CCDC33: variants seen among roughly 807,000 people sequenced by gnomAD.
CCDC33 encodes coiled-coil domain containing 33.
In CCDC33, 94 loss-of-function variants were observed where a neutral mutation model predicts 91.9. The observed-to-expected ratio is 1.02, with a 90% CI of 0.87 to 1.21. The LOEUF is 1.21. Ranked by LOEUF, CCDC33 falls within the 50% of genes most tolerant of loss-of-function variation. CCDC33 has a pLI of 0.00. For missense variants in CCDC33, 940 were observed against 935.5 expected (o/e 1.00, Z -0.06); for synonymous variants, 396 against 374.5 (o/e 1.06, Z -0.66).
upstream of CCDC33, chr15:74,213,334 A>T (rs974116494): frequency 6.6e-6 from 1 of 152,274 alleles, no homozygotes; most frequent in Non-Finnish European, 1.5e-5. Flanking sequence ...GCATGCTCAG[A>T]GGGGCCAGGA....
chr15:74,252,108 A>C (rs1293408089), intron 2 of CCDC33, among the ~76,000 whole-genome samples: 1 of 152,174 alleles, frequency 6.6e-6, no homozygotes, highest in Non-Finnish European at 1.5e-5. Flanking sequence ...CAGGATTTCA[A>C]AATCTAAAAG....
intron 1 of CCDC33, among the ~76,000 whole-genome samples, chr15:74,204,278 C>A (rs1469353489): frequency 6.6e-6 from 1 of 152,240 alleles, no homozygotes; most frequent in African/African-American, 2.4e-5. Context: ...TCCCTCCCAC[C>A]CCTCCTCCTG....
At chr15:74,222,386 G>A (rs2074624897) in intron 2 of CCDC33, among the ~76,000 whole-genome samples, 1 of 124,186 alleles carries the variant, frequency 8.1e-6, no homozygotes, top group Non-Finnish European at 1.7e-5. Context: ...TCTGAGCTCT[G>A]GAAGGAGAAG....
At chr15:74,282,613 T>C (rs2059390676) in intron 10 of CCDC33, among the ~76,000 whole-genome samples, 1 of 152,202 alleles carries the variant, frequency 6.6e-6, no homozygotes, top group South Asian at 2.1e-4. Flanking sequence ...CGGTGCCATG[T>C]AACAAACATA....
chr15:74,291,543 GC>G lies in CCDC33; in HGVS notation c.1096-4206del, dbSNP rs2142566654. Among the ~76,000 whole-genome samples, 3 of 152,358 alleles carry G rather than the reference GC, an allele frequency of 2.0e-5. No individual in the cohort carries two copies. The East Asian group carries it at 5.8e-4, about 29-fold the overall frequency. On this transcript the variant is annotated intron_variant, in intron 10 of 18. Transcript: ENST00000398814. The stretch of plus-strand genomic sequence containing the variant: ...CAGAATTTGTCAGTTTCCGCTTCAG[GC>G]CCCCTGGGGAGGGTTCAGGGCCAGC...
At chr15:74,282,855 G>A (rs574684632) in intron 10 of CCDC33, among the ~76,000 whole-genome samples, 10 of 152,292 alleles carry the variant, frequency 6.6e-5, no homozygotes, top group African/African-American at 1.7e-4. Context: ...CCAGGCACCC[G>A]CTGGACTTTC....
chr15:74,282,194 A>AT (rs1329044060), intron 10 of CCDC33, among the ~76,000 whole-genome samples: 2 of 152,218 alleles, frequency 1.3e-5, no homozygotes, highest in Non-Finnish European at 2.9e-5. Flanking sequence ...ATGCCCATTT[A>AT]TTAGCTGACA....
At chr15:74,281,923 C>A in intron 10 of CCDC33, 74 bp downstream of exon 10, 1 of 1,370,498 alleles carries the variant, frequency 7.3e-7, no homozygotes, top group Non-Finnish European at 1.0e-6. Flanking sequence ...TTCACAATTG[C>A]TGGCTTTGTT....
intron 2 of CCDC33, chr15:74,221,545 T>C (rs2074597870): frequency 6.5e-6 from 1 of 154,136 alleles, no homozygotes; most frequent in South Asian, 2.1e-4. Context: ...AATAAAATTA[T>C]GGACAGTGAA....
At chr15:74,257,140 A>C (rs1328394661) in intron 2 of CCDC33, among the ~76,000 whole-genome samples, 3 of 152,228 alleles carry the variant, frequency 2.0e-5, no homozygotes, top group African/African-American at 7.2e-5. Flanking sequence ...GCCCACCTGC[A>C]GTGTTGTAGC....
intron 11 of CCDC33, among the ~76,000 whole-genome samples, chr15:74,320,404 A>G (rs370243586): frequency 2.5e-4 from 38 of 150,916 alleles, no homozygotes; most frequent in African/African-American, 8.5e-4. Flanking sequence ...CCCCTCCCCA[A>G]CCCTACCCCT....
intron 2 of CCDC33, among the ~76,000 whole-genome samples, chr15:74,250,795 G>A (rs542314511): frequency 6.6e-6 from 1 of 152,316 alleles, no homozygotes; most frequent in African/African-American, 2.4e-5. Context: ...CTAGCTTGCT[G>A]TATGACTGTG....
At chr15:74,211,746 T>C (rs933159240) in intron 2 of CCDC33, among the ~76,000 whole-genome samples, 2 of 152,088 alleles carry the variant, frequency 1.3e-5, no homozygotes, top group African/African-American at 2.4e-5. Context: ...TCTGCCTTTC[T>C]GCCCCTGTCC....
In CCDC33 at chr15:74,331,267, T is replaced by C. The variant is rs1483507770; in HGVS notation, c.1742T>C (p.Leu581Pro). The C allele has an allele frequency of 6.2e-7, 1 of 1,614,112 alleles. No individual in the cohort carries two copies. The highest frequency in any genetic ancestry group is 8.5e-7 in the Non-Finnish European group (1 of 1,179,972). Residue 581 changes from leucine to proline, a missense_variant, in exon 15 of 19, where the codon CTG becomes CCG. Coordinates refer to ENST00000398814, the MANE Select transcript of CCDC33 (RefSeq NM_025055.5). ...RLQDRSKPPP[L>P]NRQQGKPYTG... ...CAGGACAGGAGCAAGCCCCCTCCTC[T>C]GAACAGGCAGCAGGGAAAGCCCTAC...
intron 2 of CCDC33, chr15:74,221,340 G>C: frequency 1.0e-6 from 1 of 978,212 alleles, no homozygotes; most frequent in South Asian, 4.8e-5. Flanking sequence ...GAATGAGAAG[G>C]AAGCGGAAGA....
At chr15:74,252,803 A>G (rs759114578) in intron 2 of CCDC33, among the ~76,000 whole-genome samples, 9 of 152,150 alleles carry the variant, frequency 5.9e-5, no homozygotes, top group Non-Finnish European at 8.8e-5. Flanking sequence ...CCCCCACACC[A>G]TGGTTTGATT....
intron 18 of CCDC33, 99 bp downstream of exon 18, chr15:74,335,187 G>A (rs770260943): frequency 2.1e-6 from 2 of 941,036 alleles, no homozygotes; most frequent in South Asian, 1.3e-5. Context: ...AGCCATTGTG[G>A]AGCCAACTCC....
chr15:74,295,984 A>G, intron 11 of CCDC33, 36 bp downstream of exon 11: 1 of 1,559,672 alleles, frequency 6.4e-7, no homozygotes, highest in East Asian at 2.3e-5. Context: ...GGGCCGGGGC[A>G]GTGATGAGGC....
At chr15:74,333,615 C>T (rs1233893643) in intron 16 of CCDC33, among the ~76,000 whole-genome samples, 1 of 152,128 alleles carries the variant, frequency 6.6e-6, no homozygotes, top group Non-Finnish European at 1.5e-5. Context: ...TAGGGGGCTC[C>T]CTAATGCATT....
Sources: allele counts gnomAD v4.1 joint callset (sites outside exome capture counted in the v4.1 genomes callset), GRCh38; gene constraint gnomAD v4.1.1; transcripts MANE v1.5; gene names NCBI Gene and HGNC (gene_info 2026-07-23, HGNC 2026-07-21).